The following ATP8B1 variants were observed in gnomAD, a reference collection of about 807,000 sequenced individuals.
ATP8B1 encodes phospholipid-transporting ATPase IC.
In ATP8B1, 80 loss-of-function variants were observed where a neutral mutation model predicts 149.9. The ratio of observed to expected loss-of-function variants is 0.53; its 90% CI spans 0.45 to 0.64. The LOEUF (loss-of-function observed/expected upper bound fraction) is 0.64. ATP8B1 is among the 30% of genes least tolerant of loss of function. ATP8B1 has a pLI of 0.00. For synonymous variants in ATP8B1, 536 were observed against 562.8 expected, an observed-to-expected ratio of 0.95 and a Z score of 0.67; for missense variants, 1,247 against 1,552.6, an observed-to-expected ratio of 0.80 and a Z score of 3.31.
intron 19 of ATP8B1, 21 bp downstream of exon 19, chr18:57,668,408 C>T (rs772722922): frequency 1.3e-6 from 2 of 1,553,892 alleles, no homozygotes; most frequent in South Asian, 1.1e-5. Context: ...AACAGATATG[C>T]TTCCCTGCAC....
rs1276908327 is a variant in ATP8B1 at position 57,647,660 on chromosome 18, T to C, written c.*828A>G. On this transcript the variant is annotated 3_prime_UTR_variant, in exon 28 of 28. Transcript: ENST00000648908. ...TGAAATACAACATGCTTTGTAATTC[T>C]ATTGCCCTGGATTGAGACTGGATTA... The C allele has an allele frequency of 6.5e-6, 1 of 152,702 alleles. No homozygotes were observed. The highest frequency in any genetic ancestry group is 1.5e-5 in the Non-Finnish European group (1 of 68,062). The allele number at this position is 152,702 out of a possible 1,614,324, so 9.5% of individuals were successfully genotyped here.
intron 1 of ATP8B1, among the ~76,000 whole-genome samples, chr18:57,756,644 T>G (rs4941042): frequency 0.58 from 87,358 of 151,320 alleles, 25,563 homozygotes; most frequent in South Asian, 0.69. Context: ...TAAAAGAATA[T>G]GGTATTCCTT....
At chr18:57,763,518 A>G (rs1002206992) in intron 1 of ATP8B1, among the ~76,000 whole-genome samples, 2 of 152,146 alleles carry the variant, frequency 1.3e-5, no homozygotes, top group African/African-American at 4.8e-5. Flanking sequence ...TCCAACAAAC[A>G]TTTTCAAGTT....
intron 1 of ATP8B1, among the ~76,000 whole-genome samples, chr18:57,749,982 C>T (rs2080000703): frequency 6.6e-6 from 1 of 152,168 alleles, no homozygotes; most frequent in African/African-American, 2.4e-5. Context: ...GTGGCTCACA[C>T]CTGTAATCCC....
chr18:57,756,206 T>C (rs71365357), intron 1 of ATP8B1, among the ~76,000 whole-genome samples: 27,322 of 78,284 alleles, frequency 0.35, 3,937 homozygotes, highest in South Asian at 0.48. Context: ...TATATATATA[T>C]ATATACACAC....
At chr18:57,782,803 CTTTTTTTTTT>C (rs79009229) in intron 1 of ATP8B1, among the ~76,000 whole-genome samples, 3,271 of 91,152 alleles carry the variant, frequency 0.036, 79 homozygotes, top group South Asian at 0.078. Context: ...TAGTTTGTCT[CTTTTTTTTTT>C]TTTTTTTTTT....
Position 57,685,172 on chromosome 18 carries a change from C to A in ATP8B1, c.1430-57G>T. 3.2e-6 allele frequency: 5 copies of A among 1,582,894 alleles called. No individual in the cohort carries two copies. In the South Asian group the frequency reaches 5.5e-5, roughly 18 times the overall value. The stretch of plus-strand genomic sequence containing the variant: ...TCTACACCTATGTCCAGAGGCCCCT[C>A]CTTACCTGGCTTTGCTTATATAGTG... On this transcript the variant is annotated intron_variant, in intron 13 of 27. Coordinates refer to ENST00000648908, the MANE Select transcript of ATP8B1 (RefSeq NM_001374385.1).
At chr18:57,732,894 C>T (rs1469727248) in intron 1 of ATP8B1, among the ~76,000 whole-genome samples, 1 of 152,142 alleles carries the variant, frequency 6.6e-6, no homozygotes, top group African/African-American at 2.4e-5. Context: ...GCAAAGTTGA[C>T]AAACCACTGC....
intron 9 of ATP8B1, 27 bp downstream of exon 9, chr18:57,695,423 G>A: frequency 6.2e-7 from 1 of 1,602,478 alleles, no homozygotes; most frequent in Non-Finnish European, 8.6e-7. Context: ...AAAATTTAAA[G>A]CAAAGTAAGA....
chr18:57,786,646 G>A (rs1394076668), intron 1 of ATP8B1, among the ~76,000 whole-genome samples: 1 of 152,164 alleles, frequency 6.6e-6, no homozygotes, highest in Non-Finnish European at 1.5e-5. Context: ...TAGAACAAAG[G>A]AAGAGTCCCT....
At chr18:57,760,067 CAAG>C (rs1250137787) in intron 1 of ATP8B1, among the ~76,000 whole-genome samples, 5 of 152,126 alleles carry the variant, frequency 3.3e-5, no homozygotes, top group Non-Finnish European at 4.4e-5. Context: ...TACATACCAG[CAAG>C]AAGGAGGTTG....
intron 13 of ATP8B1, among the ~76,000 whole-genome samples, chr18:57,685,816 A>T (rs1257273300): frequency 1.3e-5 from 2 of 152,164 alleles, no homozygotes; most frequent in African/African-American, 4.8e-5. Flanking sequence ...CTGTAGTCCC[A>T]GCTACTCGGG....
At chr18:57,692,957 A>T (rs1249630730) in intron 11 of ATP8B1, among the ~76,000 whole-genome samples, 1 of 152,198 alleles carries the variant, frequency 6.6e-6, no homozygotes, top group Non-Finnish European at 1.5e-5. Context: ...TTCCAGAGAC[A>T]AATTTAAATT....
Position 57,648,577 on chromosome 18 carries a change from A to T in ATP8B1, c.3667T>A (p.Ser1223Thr). The change falls in exon 28 of 28, where the codon TCC becomes ACC. Residue 1223 changes from serine to threonine, a missense_variant. Transcript: ENST00000648908. ...CGCTTCTTGCGGATGCTGCGCCCGGAGGAGATGAGGTCCGCGTAGCCCCGC... is the reference window on the plus strand; with the variant it reads ...CGCTTCTTGCGGATGCTGCGCCCGGTGGAGATGAGGTCCGCGTAGCCCCGC... ...HQRGYADLIS[S>T]GRSIRKKRSP... The T allele has an allele frequency of 6.2e-7, 1 of 1,611,350 alleles. No homozygotes were observed. Among genetic ancestry groups the T allele is most frequent in the Non-Finnish European group, 8.5e-7 (1 of 1,179,902 alleles).
intron 1 of ATP8B1, among the ~76,000 whole-genome samples, chr18:57,765,623 C>G (rs998358447): frequency 6.6e-6 from 1 of 150,654 alleles, no homozygotes; most frequent in Non-Finnish European, 1.5e-5. Context: ...AAGCCAAGAT[C>G]GCGCCACTGC....
intron 1 of ATP8B1, among the ~76,000 whole-genome samples, chr18:57,793,968 A>G (rs2080487071): frequency 6.6e-6 from 1 of 152,348 alleles, no homozygotes; most frequent in South Asian, 2.1e-4. Context: ...CCTAAGACTG[A>G]TAACAAAAGT....
intron 23 of ATP8B1, 87 bp from the exon 24 acceptor site, chr18:57,654,162 A>C (rs1217657305): frequency 1.7e-6 from 2 of 1,210,508 alleles, no homozygotes; most frequent in East Asian, 4.8e-5. Flanking sequence ...CCTTTATTTA[A>C]CATTTTGTTT....
intron 6 of ATP8B1, among the ~76,000 whole-genome samples, chr18:57,699,773 G>A (rs557177360): frequency 7.6e-4 from 115 of 152,072 alleles, no homozygotes; most frequent in Non-Finnish European, 5.7e-4. Context: ...GGCTGGCCTC[G>A]AACTCCTGGC....
At chr18:57,766,367 G>T (rs2080212363) in intron 1 of ATP8B1, among the ~76,000 whole-genome samples, 1 of 151,948 alleles carries the variant, frequency 6.6e-6, no homozygotes, top group Non-Finnish European at 1.5e-5. Context: ...TTGGAGAAAG[G>T]AGAAGAGATT....
Sources: gnomAD v4.1 joint callset for allele counts (sites outside exome capture counted in the v4.1 genomes callset) on GRCh38, gnomAD v4.1.1 for gene constraint, MANE v1.5 for transcripts, NCBI Gene and HGNC (gene_info 2026-07-23, HGNC 2026-07-21) for gene names.